Variants in CTNNA3 observed in about 807,000 individuals in gnomAD.
CTNNA3 encodes catenin alpha-3.
CTNNA3 carries 76 observed loss-of-function variants against 95.7 expected under a neutral mutation model. The observed-to-expected ratio is 0.79, with a 90% CI of 0.66 to 0.96. CTNNA3 has a LOEUF of 0.96. Ranked by LOEUF, CTNNA3 falls within the 40% of genes least tolerant of loss-of-function variation. The pLI, the probability that CTNNA3 is intolerant of heterozygous loss-of-function variation, is 0.00. For synonymous variants in CTNNA3, 431 were observed against 374.4 expected, an observed-to-expected ratio of 1.15 and a Z score of -1.74; for missense variants, 1,191 against 1,089.8, an observed-to-expected ratio of 1.09 and a Z score of -1.31.
At chr10:67,509,226 T>C (rs1839527017) in intron 5 of CTNNA3, among the ~76,000 whole-genome samples, 1 of 151,614 alleles carries the variant, frequency 6.6e-6, no homozygotes, top group African/African-American at 2.4e-5. Context: ...AGTTCTAGGG[T>C]ACATGTGCAC....
intron 13 of CTNNA3, among the ~76,000 whole-genome samples, chr10:66,240,496 A>G: frequency 6.6e-6 from 1 of 152,108 alleles, no homozygotes; most frequent in Non-Finnish European, 1.5e-5. Flanking sequence ...CAAATAGCCT[A>G]CTGGGTTACC....
chr10:66,444,437 A>T (rs1359487951), intron 11 of CTNNA3, among the ~76,000 whole-genome samples: 1 of 152,168 alleles, frequency 6.6e-6, no homozygotes, highest in African/African-American at 2.4e-5. Context: ...AGGTTGGGTT[A>T]CCCACAAAGG....
chr10:66,086,093 G>T (rs1048288166), intron 14 of CTNNA3, among the ~76,000 whole-genome samples: 3 of 152,048 alleles, frequency 2.0e-5, no homozygotes, highest in African/African-American at 7.2e-5. Flanking sequence ...TTTGGAGGGG[G>T]AACATCTGGA....
chr10:66,643,439 C>T (rs1845585123), intron 9 of CTNNA3, among the ~76,000 whole-genome samples: 1 of 152,090 alleles, frequency 6.6e-6, no homozygotes, highest in Non-Finnish European at 1.5e-5. Context: ...AAACTGAAAT[C>T]TTTGTGAGCA....
At chr10:67,089,717 A>ATGTGTG (rs71006125) in intron 7 of CTNNA3, among the ~76,000 whole-genome samples, 11,912 of 144,614 alleles carry the variant, frequency 0.082, 524 homozygotes, top group Middle Eastern at 0.12. Flanking sequence ...GTATATACAT[A>ATGTGTG]TGTGTGTGTG....
intron 7 of CTNNA3, among the ~76,000 whole-genome samples, chr10:66,871,294 C>T (rs68172832): frequency 0.14 from 21,364 of 152,008 alleles, 1,985 homozygotes; most frequent in African/African-American, 0.26. Flanking sequence ...CGCGGTGGCT[C>T]ATGCCTGTAA....
At chr10:66,395,960 C>T (rs759848636) in intron 11 of CTNNA3, among the ~76,000 whole-genome samples, 14 of 151,800 alleles carry the variant, frequency 9.2e-5, no homozygotes, top group African/African-American at 1.7e-4. Context: ...CTGGAGTTTG[C>T]GTTGTGTGTT....
rs1020989922 is a variant in CTNNA3 at position 66,186,599 on chromosome 10, C to T, written c.1885-83350G>A. On this transcript the variant is annotated intron_variant, in intron 13 of 17. Coordinates refer to ENST00000433211, the MANE Select transcript of CTNNA3 (RefSeq NM_013266.4). ...ATAAGAGATTTAAAGAATTCTCACT[C>T]TGAAATATAATTTAAAGAAATAAAA... Among the ~76,000 whole-genome samples the T allele has an allele frequency of 1.3e-5, 2 of 152,060 alleles. 1 individual carries two copies. The highest frequency in any genetic ancestry group is 4.1e-4 in the South Asian group (2 of 4,832).
intron 7 of CTNNA3, among the ~76,000 whole-genome samples, chr10:66,944,962 C>A (rs1249292974): frequency 6.6e-6 from 1 of 152,132 alleles, no homozygotes; most frequent in Admixed American, 6.6e-5. Context: ...CATGTGCTAT[C>A]ATACAGGCTT....
At chr10:66,782,387 G>A (rs1157282717) in intron 7 of CTNNA3, among the ~76,000 whole-genome samples, 2 of 152,058 alleles carry the variant, frequency 1.3e-5, no homozygotes, top group Admixed American at 6.6e-5. Context: ...GTCCTGGAAT[G>A]CCCCCATCTC....
At chr10:67,311,296 T>C (rs188202748) in intron 5 of CTNNA3, among the ~76,000 whole-genome samples, 5 of 151,944 alleles carry the variant, frequency 3.3e-5, no homozygotes, top group Admixed American at 2.6e-4. Context: ...AGCAAAAAAG[T>C]GAGACAGATA....
intron 12 of CTNNA3, among the ~76,000 whole-genome samples, chr10:66,350,638 T>G (rs573644379): frequency 6.7e-6 from 1 of 149,940 alleles, no homozygotes; most frequent in African/African-American, 2.4e-5. Context: ...GAGAAATTGC[T>G]GAAGGGTCAA....
chr10:67,199,050 G>C (rs1863512798), intron 6 of CTNNA3, among the ~76,000 whole-genome samples: 1 of 151,976 alleles, frequency 6.6e-6, no homozygotes, highest in African/African-American at 2.4e-5. Flanking sequence ...AAGGTAAAGG[G>C]GGAAGGGAAA....
intron 12 of CTNNA3, among the ~76,000 whole-genome samples, chr10:66,354,805 G>A (rs2092596386): frequency 6.6e-6 from 1 of 151,964 alleles, no homozygotes; most frequent in Admixed American, 6.6e-5. Flanking sequence ...TACATACTTT[G>A]TACATCATAG....
At chr10:66,087,793 G>A (rs956839965) in intron 14 of CTNNA3, among the ~76,000 whole-genome samples, 1 of 151,990 alleles carries the variant, frequency 6.6e-6, no homozygotes, top group Non-Finnish European at 1.5e-5. Context: ...AATCCCACTG[G>A]CATATTAGTT....
chr10:66,212,449 T>A (rs533993043), intron 13 of CTNNA3, among the ~76,000 whole-genome samples: 1 of 152,324 alleles, frequency 6.6e-6, no homozygotes, highest in Admixed American at 6.5e-5. Context: ...CTTATTAGCA[T>A]CCCTAGAAGT....
At chr10:65,992,816 G>T (rs1326692157) in intron 15 of CTNNA3, among the ~76,000 whole-genome samples, 1 of 151,802 alleles carries the variant, frequency 6.6e-6, no homozygotes, top group Non-Finnish European at 1.5e-5. Context: ...CTAATTCCTT[G>T]ATGTGCATCA....
chr10:66,558,535 C>T (rs980202050), intron 10 of CTNNA3, among the ~76,000 whole-genome samples: 2 of 152,082 alleles, frequency 1.3e-5, no homozygotes, highest in African/African-American at 4.8e-5. Flanking sequence ...AACTAGGTAT[C>T]ACATATTGCA....
chr10:66,479,978 A>ACACACACACACACACACCCC (rs1427904243), intron 11 of CTNNA3, among the ~76,000 whole-genome samples: 2 of 151,332 alleles, frequency 1.3e-5, no homozygotes, highest in African/African-American at 4.9e-5. Context: ...ACACACACAC[A>ACACACACACACACACACCCC]CCCCAGAACT....
Sources: gnomAD v4.1 joint callset for allele counts (sites outside exome capture counted in the v4.1 genomes callset) on GRCh38, gnomAD v4.1.1 for gene constraint, MANE v1.5 for transcripts, NCBI Gene and HGNC (gene_info 2026-07-23, HGNC 2026-07-21) for gene names.